The following MUC13 variants were observed in gnomAD, a reference collection of about 807,000 sequenced individuals.
The protein encoded by MUC13 is mucin-13.
A neutral mutation model predicts 48.3 loss-of-function variants in MUC13; 32 were observed. The observed-to-expected ratio is 0.66, with a 90% CI of 0.50 to 0.89. The LOEUF is 0.89. Ranked by LOEUF, MUC13 falls within the 40% of genes least tolerant of loss-of-function variation. The pLI is 0.00. For missense variants in MUC13, 571 were observed against 622.8 expected, an observed-to-expected ratio of 0.92 and a Z score of 0.88; for synonymous variants, 199 against 224.9, an observed-to-expected ratio of 0.88 and a Z score of 1.03.
chr3:124,920,317 A>T, intron 4 of MUC13, 28 bp from the exon 5 acceptor site: 1 of 1,562,028 alleles, frequency 6.4e-7, no homozygotes, highest in Non-Finnish European at 8.7e-7. Flanking sequence ...TTTAATAACA[A>T]GTAAAAAAAA....
chr3:124,923,763 G>T, intron 2 of MUC13, 114 bp from the exon 3 acceptor site: 3 of 997,820 alleles, frequency 3.0e-6, no homozygotes, highest in Non-Finnish European at 3.0e-6. Context: ...TTCCTTGCTT[G>T]TGTTACTCCA....
chr3:124,922,184 G>A lies in MUC13; in HGVS notation c.744+13C>T. ...AGAATGCTTTACAGAAAGGAAAGTTGGAAAATACTTACCAAGCTAGTAATT... is the reference window on the plus strand; with the variant it reads ...AGAATGCTTTACAGAAAGGAAAGTTAGAAAATACTTACCAAGCTAGTAATT... On this transcript the variant is annotated intron_variant, in intron 4 of 11. Transcript: ENST00000616727. 4 of 1,613,524 alleles carry A rather than the reference G, an allele frequency of 2.5e-6. No individual in the cohort carries two copies. The highest frequency in any genetic ancestry group is 3.4e-6 in the Non-Finnish European group (4 of 1,179,788).
At chr3:124,934,084 C>G (rs1481316896) in intron 1 of MUC13, among the ~76,000 whole-genome samples, 2 of 152,160 alleles carry the variant, frequency 1.3e-5, no homozygotes, top group African/African-American at 4.8e-5. Flanking sequence ...TCCTTGCAAC[C>G]TACTTAGTCC....
At chr3:124,912,806 G>A (rs1238647313) in intron 8 of MUC13, among the ~76,000 whole-genome samples, 7 of 151,860 alleles carry the variant, frequency 4.6e-5, no homozygotes, top group Admixed American at 3.3e-4. Flanking sequence ...CAGGGTGGCA[G>A]GCACCTGTAA....
chr3:124,913,056 T>C, intron 8 of MUC13, 55 bp downstream of exon 8: 1 of 1,594,462 alleles, frequency 6.3e-7, no homozygotes, highest in South Asian at 1.1e-5. Flanking sequence ...GTAAGGTCTC[T>C]CTACTTTGCC....
intron 5 of MUC13, among the ~76,000 whole-genome samples, chr3:124,917,660 C>G (rs1212898968): frequency 1.4e-5 from 2 of 142,626 alleles, no homozygotes; most frequent in East Asian, 4.2e-4. Context: ...ACAATCATCT[C>G]AAAAGGGAGC....
Position 124,934,741 on chromosome 3 carries a change from G to A in MUC13, c.-29C>T, listed in dbSNP as rs1935853655. 6.4e-7 allele frequency: 1 copy of A among 1,574,396 alleles called. No individual in the cohort carries two copies. Among genetic ancestry groups the A allele is most frequent in the Non-Finnish European group, 8.7e-7 (1 of 1,144,820 alleles). On this transcript the variant is annotated 5_prime_UTR_variant, in exon 1 of 12. Coordinates refer to ENST00000616727, the MANE Select transcript of MUC13 (RefSeq NM_033049.4). ...AGCTGTTCTTGCTTGGTAATCTGAG[G>A]AGGAAATGATTTCCCTTCCTGGCTA...
chr3:124,920,874 G>A (rs115183086), intron 4 of MUC13, among the ~76,000 whole-genome samples: 3,342 of 152,332 alleles, frequency 0.022, 138 homozygotes, highest in African/African-American at 0.076. Context: ...CAAGATGAGA[G>A]GGCAAGTCAC....
At chr3:124,917,401 C>T (rs1935528325) in intron 5 of MUC13, among the ~76,000 whole-genome samples, 1 of 148,540 alleles carries the variant, frequency 6.7e-6, no homozygotes, top group Admixed American at 6.8e-5. Flanking sequence ...GGCTGGAGTG[C>T]GGTGGTGAGA....
Position 124,927,524 on chromosome 3 carries a change from G to A in MUC13, c.514+8C>T. 1 of 1,612,714 alleles carries A rather than the reference G, an allele frequency of 6.2e-7. No individual in the cohort carries two copies. Among genetic ancestry groups the A allele is most frequent in the Non-Finnish European group, 8.5e-7 (1 of 1,179,018 alleles). Reference sequence around the variant, plus strand: ...TCCTTGGGGAGTCTTTGAGGGAATTGTCCTTACCTGTGCTGTTTAGGGTGC... The same window carrying A: ...TCCTTGGGGAGTCTTTGAGGGAATTATCCTTACCTGTGCTGTTTAGGGTGC... On this transcript the variant is annotated splice_region_variant and intron_variant, in intron 2 of 11. Coordinates refer to ENST00000616727, the MANE Select transcript of MUC13 (RefSeq NM_033049.4).
At chr3:124,929,746 G>T (rs1282571708) in intron 1 of MUC13, among the ~76,000 whole-genome samples, 1 of 152,218 alleles carries the variant, frequency 6.6e-6, no homozygotes, top group Non-Finnish European at 1.5e-5. Context: ...TGACAGAAGA[G>T]CCCACCAATA....
chr3:124,920,003 CACAG>C (rs1400942738), intron 5 of MUC13, among the ~76,000 whole-genome samples: 1 of 152,192 alleles, frequency 6.6e-6, no homozygotes, highest in Non-Finnish European at 1.5e-5. Context: ...CATAGCCAAT[CACAG>C]ACAGAATTTT....
At position 124,920,234 on chromosome 3, in the gene MUC13, C is replaced by G; in HGVS notation, c.800G>C (p.Ser267Thr). Residue 267 changes from serine to threonine, a missense_variant and splice_region_variant, in exon 5 of 12, where the codon AGC (serine) becomes ACC (threonine). Transcript: ENST00000616727. ...CCAAAATTGTCCATAACAAACTTAC[C>G]TTACAGTAAGAATTACAGTCTGTCC... ...VYGQTVILTV[S>T]TSLSPRSEMR... 6.2e-7 allele frequency: 1 copy of G among 1,604,320 alleles called. No homozygotes were observed. The highest frequency in any genetic ancestry group is 2.2e-5 in the East Asian group (1 of 44,776).
At chr3:124,918,689 G>T (rs1057239724) in intron 5 of MUC13, among the ~76,000 whole-genome samples, 2 of 152,222 alleles carry the variant, frequency 1.3e-5, no homozygotes, top group African/African-American at 4.8e-5. Flanking sequence ...CCAAGGCCAG[G>T]ATTCAAGTAC....
At position 124,906,398 on chromosome 3, in the gene MUC13, T is replaced by C. The variant is rs932261484; in HGVS notation, c.*345A>G. The C allele has an allele frequency of 3.3e-5, 5 of 152,348 alleles. No individual in the cohort carries two copies. The highest frequency in any genetic ancestry group is 1.2e-4 in the African/African-American group (5 of 41,446). The allele number at this position is 152,348 out of a possible 1,614,324, so 9.4% of individuals were successfully genotyped here. On this transcript the variant is annotated 3_prime_UTR_variant, in exon 12 of 12. Coordinates refer to ENST00000616727, the MANE Select transcript of MUC13 (RefSeq NM_033049.4). ...AGCAAGCAATGCTGGGGAGCTTTCC[T>C]CTAGATTGGAAATGGTTCTTGTTGC...
Position 124,913,379 on chromosome 3 carries a change from G to A in MUC13, c.1085-139C>T, listed in dbSNP as rs552765733. ...TGCTTATTGACTCCACACATGATGT[G>A]CCCCCTGTGAAGCTGGACATGGGCT... On this transcript the variant is annotated intron_variant, in intron 7 of 11. Transcript: ENST00000616727. 50 of 1,436,106 alleles carry A rather than the reference G, an allele frequency of 3.5e-5. No individual in the cohort carries two copies. In the African/African-American group the frequency reaches 5.8e-4, roughly 17 times the overall value. 89.0% of individuals were successfully genotyped at this position (1,436,106 alleles called of 1,614,324 possible).
rs377390496 is a variant in MUC13 at position 124,922,408 on chromosome 3, C to T, written c.638-105G>A. The T allele has an allele frequency of 8.0e-5, 108 of 1,345,526 alleles. No homozygotes were observed. The East Asian group carries it at 1.7e-3, about 21-fold the overall frequency. The allele number at this position is 1,345,526 out of a possible 1,614,324, so 83.3% of individuals were successfully genotyped here. A position where few individuals can be genotyped will look rare whatever the true frequency, so the allele number is the denominator to read the frequency against. ...TTTTAGAATTCCCAACATTATATAA[C>T]GACACTACAGGAAATCTGGAAATAT... On this transcript the variant is annotated intron_variant, in intron 3 of 11. Transcript: ENST00000616727.
chr3:124,933,448 A>T (rs1269173020), intron 1 of MUC13, among the ~76,000 whole-genome samples: 1 of 152,156 alleles, frequency 6.6e-6, no homozygotes, highest in Admixed American at 6.6e-5. Flanking sequence ...GTCATTATCC[A>T]CTACAGGAAA....
chr3:124,920,178 G>A (rs1227195753), intron 5 of MUC13, 56 bp downstream of exon 5: 4 of 1,459,192 alleles, frequency 2.7e-6, no homozygotes, highest in African/African-American at 1.4e-5. Context: ...CTCAAGAGAA[G>A]CTCGGAAGTT....
Sources: gnomAD v4.1 joint callset for allele counts (sites outside exome capture counted in the v4.1 genomes callset) on GRCh38, gnomAD v4.1.1 for gene constraint, MANE v1.5 for transcripts, NCBI Gene and HGNC (gene_info 2026-07-23, HGNC 2026-07-21) for gene names.